CAB39L: variants seen among roughly 807,000 people sequenced by gnomAD.
CAB39L encodes calcium binding protein 39 like, also known as calcium-binding protein 39-like.
CAB39L carries 23 observed loss-of-function variants against 39.1 expected under a neutral mutation model. The observed-to-expected ratio is 0.59, with a 90% CI of 0.42 to 0.83. The LOEUF (loss-of-function observed/expected upper bound fraction) is 0.83. Ranked by LOEUF, CAB39L falls within the 40% of genes least tolerant of loss-of-function variation. The probability of loss-of-function intolerance (pLI) is 0.00; values close to 1 mark genes in which losing one functional copy is unlikely to be tolerated. For synonymous variants in CAB39L, 126 were observed against 137.2 expected (o/e 0.92, Z 0.57); for missense variants, 366 against 391.9 (o/e 0.93, Z 0.56).
rs1357051511 is a variant in CAB39L, at chr13:49,377,295, T to C, written c.112-164A>G. ...AAAAACAGTGAGGGGAATCACCATG[T>C]TTGGGTGGACCTAGTTTCTAATGGC... On this transcript the variant is annotated intron_variant, in intron 4 of 10. Transcript: ENST00000409308. Among the ~76,000 whole-genome samples, 2 of 34,318 alleles carry C rather than the reference T, an allele frequency of 5.8e-5. 1 individual carries two copies. Among genetic ancestry groups the C allele is most frequent in the Non-Finnish European group, 1.3e-4 (2 of 15,948 alleles). The allele number at this position is 34,318 out of a possible 152,430, so 22.5% of individuals were successfully genotyped here. A position where few individuals can be genotyped will look rare whatever the true frequency, so the allele number is the denominator to read the frequency against.
At chr13:49,313,922 GA>G (rs774246840) in intron 10 of CAB39L, among the ~76,000 whole-genome samples, 49 of 152,236 alleles carry the variant, frequency 3.2e-4, no homozygotes, top group Non-Finnish European at 5.9e-4. Flanking sequence ...TGGGGAAGGA[GA>G]AAACTACCCT....
intron 1 of CAB39L, among the ~76,000 whole-genome samples, chr13:49,436,146 G>A (rs553927212): frequency 2.0e-5 from 3 of 152,254 alleles, no homozygotes; most frequent in African/African-American, 7.2e-5. Flanking sequence ...TTGCTGTTTA[G>A]AAGTCTGTTG....
intron 9 of CAB39L, among the ~76,000 whole-genome samples, chr13:49,338,323 A>G (rs1954904358): frequency 6.6e-6 from 1 of 151,940 alleles, no homozygotes; most frequent in African/African-American, 2.4e-5. Context: ...ATGCAGCCAT[A>G]AAAAATGGTG....
At chr13:49,403,893 T>C (rs766609556) in intron 3 of CAB39L, among the ~76,000 whole-genome samples, 10 of 151,842 alleles carry the variant, frequency 6.6e-5, no homozygotes, top group Non-Finnish European at 1.0e-4. Flanking sequence ...ACAGAACTTA[T>C]CAAAATAAAG....
At chr13:49,429,330 C>T (rs1002270268) in intron 3 of CAB39L, among the ~76,000 whole-genome samples, 14 of 152,268 alleles carry the variant, frequency 9.2e-5, no homozygotes, top group East Asian at 3.9e-4. Flanking sequence ...TGACCTCAAG[C>T]GGTCCTCCTG....
At chr13:49,348,622 C>T (rs1955248835) in intron 7 of CAB39L, among the ~76,000 whole-genome samples, 1 of 152,218 alleles carries the variant, frequency 6.6e-6, no homozygotes, top group South Asian at 2.1e-4. Flanking sequence ...TGTTAACAAC[C>T]AGCTGCTGTT....
intron 6 of CAB39L, chr13:49,351,196 C>A: frequency 3.9e-6 from 1 of 258,914 alleles, no homozygotes; most frequent in Non-Finnish European, 7.2e-6. Flanking sequence ...AAGATAATTT[C>A]ATACACTGAG....
intron 9 of CAB39L, among the ~76,000 whole-genome samples, chr13:49,334,778 A>T (rs2138405064): frequency 6.6e-6 from 1 of 152,306 alleles, no homozygotes; most frequent in South Asian, 2.1e-4. Flanking sequence ...AAACAGACAA[A>T]ACTATCCCTT....
chr13:49,379,999 G>A (rs1374773199), intron 4 of CAB39L, among the ~76,000 whole-genome samples: 8 of 151,908 alleles, frequency 5.3e-5, no homozygotes, highest in East Asian at 1.9e-4. Flanking sequence ...CCGCCACCAC[G>A]CCCGGCTAAT....
At chr13:49,328,631 G>T (rs905113576) in intron 10 of CAB39L, among the ~76,000 whole-genome samples, 1 of 152,102 alleles carries the variant, frequency 6.6e-6, no homozygotes, top group Non-Finnish European at 1.5e-5. Context: ...AGGAGTTTGA[G>T]ACCAGCCTAG....
chr13:49,336,618 GA>G (rs1194356834), intron 9 of CAB39L, among the ~76,000 whole-genome samples: 1 of 151,882 alleles, frequency 6.6e-6, no homozygotes, highest in Non-Finnish European at 1.5e-5. Context: ...GACTCCCATT[GA>G]AAAAAAGGAA....
intron 5 of CAB39L, among the ~76,000 whole-genome samples, chr13:49,361,927 C>T (rs915669263): frequency 6.6e-6 from 1 of 152,088 alleles, no homozygotes; most frequent in Non-Finnish European, 1.5e-5. Context: ...TTACTCTGTG[C>T]CAGGCACTTA....
At chr13:49,354,701 T>C (rs1187508885) in intron 6 of CAB39L, among the ~76,000 whole-genome samples, 1 of 152,200 alleles carries the variant, frequency 6.6e-6, no homozygotes, top group Admixed American at 6.5e-5. Flanking sequence ...TTAGATCATA[T>C]AGTCTGGACT....
intron 3 of CAB39L, among the ~76,000 whole-genome samples, chr13:49,391,479 G>T (rs1381833650): frequency 1.3e-5 from 2 of 152,116 alleles, no homozygotes; most frequent in African/African-American, 4.8e-5. Flanking sequence ...TATTCCTGAA[G>T]TATTTTGATA....
intron 10 of CAB39L, among the ~76,000 whole-genome samples, chr13:49,319,885 A>C (rs1201126377): frequency 6.6e-6 from 1 of 152,142 alleles, no homozygotes; most frequent in Non-Finnish European, 1.5e-5. Flanking sequence ...TGCAAACCAA[A>C]ATAATAGACA....
At chr13:49,360,584 A>G (rs1297020619) in intron 5 of CAB39L, among the ~76,000 whole-genome samples, 1 of 152,168 alleles carries the variant, frequency 6.6e-6, no homozygotes, top group Non-Finnish European at 1.5e-5. Flanking sequence ...TGAGTTTACT[A>G]TATGAAAAAT....
intron 3 of CAB39L, among the ~76,000 whole-genome samples, chr13:49,400,144 G>C (rs1196758252): frequency 6.6e-6 from 1 of 151,986 alleles, no homozygotes; most frequent in East Asian, 1.9e-4. Context: ...TGCCTTAAAG[G>C]ATTCACTTGA....
intron 4 of CAB39L, among the ~76,000 whole-genome samples, chr13:49,378,748 G>A (rs1478997403): frequency 7.2e-5 from 3 of 41,410 alleles, no homozygotes; most frequent in African/African-American, 3.2e-4. Flanking sequence ...CAGCCGCCCC[G>A]TCCGGGAGGG....
chr13:49,443,150 A>G (rs1208059525), intron 1 of CAB39L, among the ~76,000 whole-genome samples: 1 of 151,930 alleles, frequency 6.6e-6, no homozygotes, highest in East Asian at 1.9e-4. Context: ...CTACCCCAAA[A>G]AGAGCTCAGA....
Sources: gnomAD v4.1 joint callset for allele counts (sites outside exome capture counted in the v4.1 genomes callset) on GRCh38, gnomAD v4.1.1 for gene constraint, MANE v1.5 for transcripts, NCBI Gene and HGNC (gene_info 2026-07-23, HGNC 2026-07-21) for gene names.